The following DIP2C variants were observed in gnomAD, a reference collection of about 807,000 sequenced individuals.
The protein encoded by DIP2C is DIP2 acetate--CoA ligase C (putative).
In DIP2C, 33 loss-of-function variants were observed where a neutral mutation model predicts 192.4. That is an observed-to-expected ratio of 0.17 (90% CI 0.13 to 0.23). DIP2C has a LOEUF of 0.23. Ranked by LOEUF, DIP2C falls within the 10% of genes least tolerant of loss-of-function variation. DIP2C has a pLI of 1.00. For missense variants in DIP2C, 1,537 were observed against 2,110.1 expected, an observed-to-expected ratio of 0.73 and a Z score of 5.32; for synonymous variants, 979 against 864.1, an observed-to-expected ratio of 1.13 and a Z score of -2.33.
At chr10:612,300 A>T (rs976890461) in intron 1 of DIP2C, among the ~76,000 whole-genome samples, 2 of 152,204 alleles carry the variant, frequency 1.3e-5, no homozygotes, top group African/African-American at 2.4e-5. Context: ...TCAAAAAAAA[A>T]AAATAAACCA....
intron 29 of DIP2C, among the ~76,000 whole-genome samples, chr10:331,681 C>T (rs1020228484): frequency 1.3e-5 from 2 of 152,190 alleles, no homozygotes; most frequent in Admixed American, 6.5e-5. Flanking sequence ...ACTTGAGCAT[C>T]CTCGCTCTTT....
At chr10:541,746 C>T (rs1848001709) in intron 1 of DIP2C, among the ~76,000 whole-genome samples, 1 of 149,906 alleles carries the variant, frequency 6.7e-6, no homozygotes, top group Non-Finnish European at 1.5e-5. Flanking sequence ...TCCACACTGA[C>T]CACACCCATC....
At chr10:536,268 T>A (rs1847686674) in intron 1 of DIP2C, among the ~76,000 whole-genome samples, 1 of 152,150 alleles carries the variant, frequency 6.6e-6, no homozygotes, top group African/African-American at 2.4e-5. Flanking sequence ...TTCCCTTTCC[T>A]CTCCAAGGAC....
intron 1 of DIP2C, among the ~76,000 whole-genome samples, chr10:526,495 C>T (rs816633): frequency 0.99 from 149,693 of 150,976 alleles, 74,218 homozygotes; most frequent in Non-Finnish European, 1. Flanking sequence ...TCACCGTATC[C>T]GCTGTTTTTC....
intron 1 of DIP2C, among the ~76,000 whole-genome samples, chr10:509,225 T>C (rs527514178): frequency 3.9e-5 from 6 of 152,212 alleles, no homozygotes; most frequent in African/African-American, 1.2e-4. Flanking sequence ...GGGAGGGGCA[T>C]AGAGGAGACT....
At chr10:427,707 T>C (rs1286227797) in intron 4 of DIP2C, among the ~76,000 whole-genome samples, 15 of 152,202 alleles carry the variant, frequency 9.9e-5, no homozygotes, top group Admixed American at 9.8e-4. Flanking sequence ...AAATACACAA[T>C]GATATACCAT....
intron 32 of DIP2C, among the ~76,000 whole-genome samples, chr10:309,534 G>C (rs1956481919): frequency 6.6e-6 from 1 of 151,356 alleles, no homozygotes; most frequent in Non-Finnish European, 1.5e-5. Flanking sequence ...TATCACACCT[G>C]CCACTGCTGT....
At chr10:420,280 T>G (rs1464689566) in intron 5 of DIP2C, among the ~76,000 whole-genome samples, 1 of 152,246 alleles carries the variant, frequency 6.6e-6, no homozygotes, top group African/African-American at 2.4e-5. Context: ...CGCTGCTTTG[T>G]GATCTGAGAA....
At chr10:364,723 C>T in intron 19 of DIP2C, 141 bp from the exon 20 acceptor site, 3 of 902,978 alleles carry the variant, frequency 3.3e-6, no homozygotes, top group Admixed American at 2.6e-5. Context: ...GCCGAGGTCA[C>T]AGTGACCGCT....
At chr10:395,610 G>A (rs145707339) in intron 10 of DIP2C, among the ~76,000 whole-genome samples, 46 of 152,278 alleles carry the variant, frequency 3.0e-4, no homozygotes, top group South Asian at 6.2e-4. Flanking sequence ...AGGTCTGTGC[G>A]TTCTCCACAG....
At chr10:609,470 G>A (rs778992640) in intron 1 of DIP2C, among the ~76,000 whole-genome samples, 7 of 152,156 alleles carry the variant, frequency 4.6e-5, no homozygotes, top group African/African-American at 7.2e-5. Flanking sequence ...CATTCAATCA[G>A]CATCAGTCTC....
chr10:626,063 G>A (rs1164309262), intron 1 of DIP2C, among the ~76,000 whole-genome samples: 2 of 152,228 alleles, frequency 1.3e-5, no homozygotes, highest in Non-Finnish European at 2.9e-5. Flanking sequence ...AAGGTAAAGT[G>A]AGCAGGAGGT....
At chr10:393,490 C>T (rs1478769899) in intron 10 of DIP2C, among the ~76,000 whole-genome samples, 1 of 152,204 alleles carries the variant, frequency 6.6e-6, no homozygotes, top group African/African-American at 2.4e-5. Context: ...ATTAAAACCA[C>T]AGGGAAGCCA....
chr10:673,622 A>T (rs4881504), intron 1 of DIP2C, among the ~76,000 whole-genome samples: 126,212 of 152,130 alleles, frequency 0.83, 55,218 homozygotes, highest in Non-Finnish European at 0.96. Context: ...GCTCCCTGCC[A>T]TCATGTGCCC....
chr10:484,725 C>T, intron 2 of DIP2C: 1 of 1,570,754 alleles, frequency 6.4e-7, no homozygotes, highest in Non-Finnish European at 8.6e-7. Flanking sequence ...CGGCGGGTGG[C>T]CCTTTTCTAA....
chr10:419,068 C>T lies in DIP2C; in HGVS notation c.736G>A (p.Asp246Asn), dbSNP rs140175269. The T allele has an allele frequency of 1.7e-4, 272 of 1,614,242 alleles. 3 individuals are homozygous for T. The African/African-American group carries it at 2.9e-3, about 17-fold the overall frequency. ...YGNAELMETG[D>N]GVPVSSRVSA... ...GCATCTCTCCTTTGGGACGTACCAT[C>T]CCCGGTCTCCATGAGCTCGGCGTTG... The change falls in exon 6 of 37, where the codon GAT (aspartate) becomes AAT (asparagine). Residue 246 changes from aspartate to asparagine, a missense_variant. By Grantham distance (23) the Asp-to-Asn change is conservative. Transcript: ENST00000280886.
At chr10:438,091 T>C (rs1209761708) in intron 4 of DIP2C, among the ~76,000 whole-genome samples, 1 of 152,246 alleles carries the variant, frequency 6.6e-6, no homozygotes, top group Non-Finnish European at 1.5e-5. Flanking sequence ...CAGAAGGTTT[T>C]TTATGGTTTA....
chr10:571,546 A>G (rs1256088659), intron 1 of DIP2C, among the ~76,000 whole-genome samples: 2 of 144,416 alleles, frequency 1.4e-5, no homozygotes, highest in Non-Finnish European at 1.5e-5. Context: ...ATCTCCTTTC[A>G]GCCCTCACCT....
intron 4 of DIP2C, among the ~76,000 whole-genome samples, chr10:429,781 C>T (rs1966839577): frequency 1.3e-5 from 2 of 151,864 alleles, no homozygotes; most frequent in South Asian, 2.1e-4. Context: ...ATACATTCAC[C>T]TACTGAGGGG....
Sources: allele counts gnomAD v4.1 joint callset (sites outside exome capture counted in the v4.1 genomes callset), GRCh38; gene constraint gnomAD v4.1.1; transcripts MANE v1.5; gene names NCBI Gene and HGNC (gene_info 2026-07-23, HGNC 2026-07-21).